Variants in WASL observed in about 807,000 individuals in gnomAD.
The protein encoded by WASL is WASP like actin nucleation promoting factor, also known as actin nucleation-promoting factor WASL.
In WASL, 20 loss-of-function variants were observed where a neutral mutation model predicts 55.5. The ratio of observed to expected loss-of-function variants is 0.36; its 90% confidence interval spans 0.25 to 0.52. The LOEUF (loss-of-function observed/expected upper bound fraction) is 0.52, where lower values mean the gene tolerates loss of function less well. Among genes scored for constraint, WASL ranks in the 20% least tolerant of loss-of-function variants. The probability of loss-of-function intolerance (pLI) is 0.92; values close to 1 mark genes in which losing one functional copy is unlikely to be tolerated. For missense variants in WASL, 504 were observed against 622.5 expected (o/e 0.81, Z 2.03); for synonymous variants, 249 against 217.6 (o/e 1.14, Z -1.27).
In WASL at chr7:123,748,727, G is replaced by C. The variant is rs761816109; in HGVS notation, c.8C>G (p.Ser3Cys). The C allele has an allele frequency of 6.3e-7, 1 of 1,588,340 alleles. No individual in the cohort carries two copies. Among genetic ancestry groups the C allele is most frequent in the Non-Finnish European group, 8.6e-7 (1 of 1,168,838 alleles). The change falls in exon 1 of 11, where the codon TCC becomes TGC. Residue 3 changes from serine to cysteine, a missense_variant. Ser to Cys is a moderately radical substitution (Grantham distance 112). Coordinates refer to ENST00000223023, the MANE Select transcript of WASL (RefSeq NM_003941.4). ...CGGCGGCGGCGGCTGCTGCTGGACG[G>C]AGCTCATGGTTTCGCCGGCGGGGTT... MSSVQQQPPPPRR... is the reference protein window; with the variant it reads MSCVQQQPPPPRR...
chr7:123,709,750 AC>A (rs1803727278), intron 1 of WASL, among the ~76,000 whole-genome samples: 1 of 152,196 alleles, frequency 6.6e-6, no homozygotes, highest in Admixed American at 6.5e-5. Flanking sequence ...GCAGTTAAGC[AC>A]TTATCTAGAT....
intron 1 of WASL, among the ~76,000 whole-genome samples, chr7:123,747,468 T>C (rs1324141356): frequency 1.3e-5 from 2 of 152,236 alleles, no homozygotes; most frequent in Non-Finnish European, 2.9e-5. Context: ...TGGACTCCTA[T>C]GAAGTTAACA....
chr7:123,696,570 C>A lies in WASL; in HGVS notation c.629+9G>T. The stretch of plus-strand genomic sequence containing the variant: ...AGTGAAGATAAGAACAACAAAAGAA[C>A]TGTCTTACTGGAAATTGCTTGGTGT... On this transcript the variant is annotated intron_variant, in intron 6 of 10. Transcript: ENST00000223023. The A allele has an allele frequency of 6.4e-7, 1 of 1,551,956 alleles. No individual in the cohort carries two copies.
intron 1 of WASL, among the ~76,000 whole-genome samples, chr7:123,714,905 A>C (rs1584865436): frequency 6.6e-6 from 1 of 152,200 alleles, no homozygotes; most frequent in East Asian, 1.9e-4. Context: ...GGTGAGGAGT[A>C]AGTATGGAGG....
chr7:123,717,076 T>C (rs1320198086), intron 1 of WASL, among the ~76,000 whole-genome samples: 1 of 152,142 alleles, frequency 6.6e-6, no homozygotes, highest in African/African-American at 2.4e-5. Flanking sequence ...ATAGTTTTAT[T>C]TCTCTAACGC....
Position 123,701,902 on chromosome 7 carries a change from T to C in WASL, c.460+2732A>G, listed in dbSNP as rs1803596721. Among the ~76,000 whole-genome samples, 5 of 151,912 alleles carry C rather than the reference T, an allele frequency of 3.3e-5. No homozygotes were observed. In the South Asian group the frequency reaches 1.0e-3, roughly 31 times the overall value. ...TGTATATTTTATAAGTATACAAGTA[T>C]TGGCAATACATGCTGTATAATTTTG... On this transcript the variant is annotated intron_variant, in intron 5 of 10. Coordinates refer to ENST00000223023, the MANE Select transcript of WASL (RefSeq NM_003941.4).
chr7:123,707,910 G>A (rs543524375), intron 2 of WASL, among the ~76,000 whole-genome samples: 29 of 152,274 alleles, frequency 1.9e-4, no homozygotes, highest in African/African-American at 6.7e-4. Context: ...TTTAGCCCGG[G>A]ACTGGTGGCT....
At chr7:123,690,724 T>C (rs1803395931) in intron 9 of WASL, among the ~76,000 whole-genome samples, 1 of 152,054 alleles carries the variant, frequency 6.6e-6, no homozygotes, top group Admixed American at 6.6e-5. Context: ...TACAACTTTA[T>C]TCGTTAAAAA....
At chr7:123,700,632 G>T (rs528057014) in intron 5 of WASL, among the ~76,000 whole-genome samples, 2 of 152,228 alleles carry the variant, frequency 1.3e-5, no homozygotes, top group South Asian at 2.1e-4. Flanking sequence ...TAGAGATGGG[G>T]TTTCATCGTA....
At chr7:123,686,115 G>T (rs911684187) in intron 10 of WASL, among the ~76,000 whole-genome samples, 1 of 151,304 alleles carries the variant, frequency 6.6e-6, no homozygotes, top group South Asian at 2.1e-4. Flanking sequence ...ATTAGAACTT[G>T]AAAATTAACA....
chr7:123,713,614 CA>C, intron 1 of WASL, among the ~76,000 whole-genome samples: 1 of 152,202 alleles, frequency 6.6e-6, no homozygotes, highest in East Asian at 1.9e-4. Flanking sequence ...CATTTGGCCT[CA>C]AATGTCTGAA....
chr7:123,742,762 A>C (rs922578513), intron 1 of WASL, among the ~76,000 whole-genome samples: 1 of 152,242 alleles, frequency 6.6e-6, no homozygotes, highest in Non-Finnish European at 1.5e-5. Context: ...CTGTTTTAAA[A>C]GTGAAATGCC....
intron 5 of WASL, among the ~76,000 whole-genome samples, chr7:123,701,943 A>AC (rs1473835311): frequency 1.5e-5 from 1 of 67,942 alleles, no homozygotes; most frequent in Non-Finnish European, 2.7e-5. Context: ...TAACAACACT[A>AC]TTAAAAAAAA....
At chr7:123,721,034 T>A (rs1022934827) in intron 1 of WASL, among the ~76,000 whole-genome samples, 1 of 152,172 alleles carries the variant, frequency 6.6e-6, no homozygotes, top group African/African-American at 2.4e-5. Flanking sequence ...CTGAATAACA[T>A]ACTACAGTGC....
At chr7:123,686,199 A>T (rs1359225047) in intron 10 of WASL, among the ~76,000 whole-genome samples, 3 of 151,570 alleles carry the variant, frequency 2.0e-5, no homozygotes, top group African/African-American at 2.4e-5. Context: ...ATAATTATTT[A>T]TTATTTATTT....
Position 123,748,867 on chromosome 7 carries a change from G to A in WASL, c.-133C>T. 2.8e-6 allele frequency: 2 copies of A among 721,584 alleles called. No individual in the cohort carries two copies. Among genetic ancestry groups the A allele is most frequent in the Non-Finnish European group, 2.2e-6 (1 of 459,558 alleles). The allele number at this position is 721,584 out of a possible 1,614,324, so 44.7% of individuals were successfully genotyped here. A position where few individuals can be genotyped will look rare whatever the true frequency, so the allele number is the denominator to read the frequency against. The stretch of plus-strand genomic sequence containing the variant: ...CCACATCTCGCAGCTCCTCCGGAGC[G>A]GGGAGGAGGACGAGGTCGAGGGAAG... On this transcript the variant is annotated 5_prime_UTR_variant, in exon 1 of 11. Transcript: ENST00000223023.
chr7:123,709,183 C>T lies in WASL; in HGVS notation c.158G>A (p.Arg53Gln), dbSNP rs776077072. The T allele has an allele frequency of 3.7e-6, 6 of 1,612,186 alleles. No homozygotes were observed. Among genetic ancestry groups the T allele is most frequent in the Non-Finnish European group, 5.1e-6 (6 of 1,178,860 alleles). ...GCACTTCTTTGACCACATACAGTTC[C>T]GATCTGCTGCATATAACTGCACCAC... ...SAVVQLYAAD[R>Q]NCMWSKKCSG... Residue 53 changes from arginine to glutamine, a missense_variant, in exon 2 of 11, where the codon CGG (arginine) becomes CAG (glutamine). Arg to Gln is a conservative substitution (Grantham distance 43, BLOSUM62 1). Coordinates refer to ENST00000223023, the MANE Select transcript of WASL (RefSeq NM_003941.4).
intron 1 of WASL, among the ~76,000 whole-genome samples, chr7:123,734,995 T>G (rs1804202369): frequency 6.6e-6 from 1 of 152,038 alleles, no homozygotes; most frequent in Non-Finnish European, 1.5e-5. Context: ...AAAAAATGCA[T>G]GCCAGCTACC....
At chr7:123,748,021 C>CT (rs1245368116) in intron 1 of WASL, among the ~76,000 whole-genome samples, 1 of 152,068 alleles carries the variant, frequency 6.6e-6, no homozygotes, top group Non-Finnish European at 1.5e-5. Context: ...GAAACCAGGC[C>CT]TAGGCAAGGT....
Sources: gnomAD v4.1 joint callset for allele counts (sites outside exome capture counted in the v4.1 genomes callset) on GRCh38, gnomAD v4.1.1 for gene constraint, MANE v1.5 for transcripts, NCBI Gene and HGNC (gene_info 2026-07-23, HGNC 2026-07-21) for gene names.